UBAC1: variants seen among roughly 807,000 people sequenced by gnomAD.
UBAC1 encodes the protein ubiquitin-associated domain-containing protein 1.
A neutral mutation model predicts 45.9 loss-of-function variants in UBAC1; 27 were observed. That is an observed-to-expected ratio of 0.59 (90% CI 0.43 to 0.81). The LOEUF is 0.81. UBAC1 is among the 30% of genes least tolerant of loss of function. The pLI is 0.00. For synonymous variants in UBAC1, 227 were observed against 215.5 expected (o/e 1.05, Z -0.47); for missense variants, 529 against 539.2 (o/e 0.98, Z 0.19).
At chr9:135,946,200 G>T in intron 5 of UBAC1, 69 bp downstream of exon 5, 1 of 1,200,774 alleles carries the variant, frequency 8.3e-7, no homozygotes, top group Non-Finnish European at 1.2e-6. Context: ...GTCAGTGCGT[G>T]GAGCTGCAGA....
At chr9:135,943,623 T>C (rs769040602) in intron 7 of UBAC1, among the ~76,000 whole-genome samples, 3 of 152,182 alleles carry the variant, frequency 2.0e-5, no homozygotes, top group South Asian at 4.1e-4. Context: ...CCCAAAGGAA[T>C]AGAAATCATT....
intron 3 of UBAC1, 109 bp from the exon 4 acceptor site, chr9:135,948,014 G>A (rs1002410177): frequency 9.8e-7 from 1 of 1,024,298 alleles, no homozygotes; most frequent in South Asian, 1.6e-5. Flanking sequence ...TCTCCTTTAG[G>A]AGCCAGAGGT....
chr9:135,955,373 G>A lies in UBAC1; in HGVS notation c.181C>T (p.His61Tyr). 1 of 1,606,174 alleles carries A rather than the reference G, an allele frequency of 6.2e-7. No individual in the cohort carries two copies. Among genetic ancestry groups the A allele is most frequent in the Non-Finnish European group, 8.5e-7 (1 of 1,177,990 alleles). The change falls in exon 2 of 10, where the codon CAT becomes TAT. Residue 61 changes from histidine (H) to tyrosine (Y), a missense_variant. His to Tyr is a moderately conservative substitution (Grantham distance 83, BLOSUM62 2). Transcript: ENST00000371756. ...SLEDPKSITH[H>Y]KLIHAASERV... Reference sequence around the variant, plus strand: ...TCTGAGGCAGCGTGGATTAATTTATGATGGGTTATACTTTTGGGATCTTCT... The same window carrying A: ...TCTGAGGCAGCGTGGATTAATTTATAATGGGTTATACTTTTGGGATCTTCT...
At chr9:135,947,973 A>G in intron 3 of UBAC1, 68 bp from the exon 4 acceptor site, 1 of 1,429,186 alleles carries the variant, frequency 7.0e-7, no homozygotes, top group Admixed American at 2.0e-5. Context: ...TGACAACTGA[A>G]TCAGCGGAGC....
chr9:135,948,436 C>T (rs1239629766), intron 3 of UBAC1, among the ~76,000 whole-genome samples: 2 of 152,264 alleles, frequency 1.3e-5, no homozygotes, highest in African/African-American at 4.8e-5. Flanking sequence ...AGGCCAAGAG[C>T]AGAGCATGGA....
At chr9:135,938,181 C>T (rs751568350) in intron 9 of UBAC1, 41 bp downstream of exon 9, 1 of 1,602,550 alleles carries the variant, frequency 6.2e-7, no homozygotes, top group South Asian at 1.1e-5. Flanking sequence ...AACCAGCCAG[C>T]CTCCCCGACC....
At chr9:135,960,976 G>A in intron 1 of UBAC1, 49 bp downstream of exon 1, 1 of 1,438,336 alleles carries the variant, frequency 7.0e-7, no homozygotes, top group Non-Finnish European at 9.2e-7. Context: ...TCCGCAGTCG[G>A]AGGGGTCCGG....
chr9:135,960,903 G>A, intron 1 of UBAC1, 122 bp downstream of exon 1: 1 of 854,354 alleles, frequency 1.2e-6, no homozygotes, highest in Non-Finnish European at 1.7e-6. Context: ...GGAGGAGAGG[G>A]CCTGGGAGCT....
chr9:135,938,942 C>G (rs1308607098), intron 8 of UBAC1, among the ~76,000 whole-genome samples: 1 of 152,204 alleles, frequency 6.6e-6, no homozygotes, highest in African/African-American at 2.4e-5. Context: ...GGAGTGGTGG[C>G]TCATGCATGT....
intron 9 of UBAC1, among the ~76,000 whole-genome samples, chr9:135,937,875 G>C (rs1839218064): frequency 6.6e-6 from 1 of 152,238 alleles, no homozygotes; most frequent in Non-Finnish European, 1.5e-5. Flanking sequence ...AGTAGTAAGA[G>C]CAAAAGCCCA....
In UBAC1 at chr9:135,933,176, C is replaced by A; in HGVS notation, c.*224G>T. ...ATCACTCCACTTCCCAGTGCGACAACCACTTTTTTGTAAACACCTGTCAGA... is the reference window on the plus strand; with the variant it reads ...ATCACTCCACTTCCCAGTGCGACAAACACTTTTTTGTAAACACCTGTCAGA... On this transcript the variant is annotated 3_prime_UTR_variant, in exon 10 of 10. Transcript: ENST00000371756. 5.7e-6 allele frequency: 3 copies of A among 524,230 alleles called. No individual in the cohort carries two copies. The South Asian group carries it at 7.1e-5, about 12-fold the overall frequency. The allele number at this position is 524,230 out of a possible 1,614,324, so 32.5% of individuals were successfully genotyped here.
At chr9:135,937,516 T>C (rs549687565) in intron 9 of UBAC1, among the ~76,000 whole-genome samples, 2 of 150,710 alleles carry the variant, frequency 1.3e-5, no homozygotes, top group South Asian at 4.2e-4. Flanking sequence ...CCCAGTGCCT[T>C]CCATCAAGAA....
intron 1 of UBAC1, among the ~76,000 whole-genome samples, chr9:135,957,220 G>A (rs949811441): frequency 3.9e-5 from 6 of 152,120 alleles, no homozygotes. Flanking sequence ...AACTGGCCAG[G>A]CTGAGGGGAT....
intron 1 of UBAC1, among the ~76,000 whole-genome samples, chr9:135,955,662 C>T (rs189872602): frequency 6.6e-6 from 1 of 152,236 alleles, no homozygotes; most frequent in Non-Finnish European, 1.5e-5. Context: ...ATATACCACA[C>T]CCTACTGACA....
intron 7 of UBAC1, 45 bp downstream of exon 7, chr9:135,944,983 G>A (rs764230613): frequency 1.1e-4 from 177 of 1,567,784 alleles, no homozygotes; most frequent in Admixed American, 1.6e-4. Context: ...CACCTCAAGG[G>A]AAGACACAGC....
chr9:135,960,980 G>C, intron 1 of UBAC1, 45 bp downstream of exon 1: 1 of 1,457,020 alleles, frequency 6.9e-7, no homozygotes, highest in Non-Finnish European at 9.1e-7. Context: ...CAGTCGGAGG[G>C]GTCCGGAGCG....
intron 8 of UBAC1, among the ~76,000 whole-genome samples, chr9:135,939,456 C>A (rs1313756907): frequency 2.6e-5 from 4 of 151,100 alleles, no homozygotes; most frequent in Admixed American, 1.3e-4. Context: ...ACTCACTCAC[C>A]ACAGCCCACA....
In UBAC1 at chr9:135,948,143, G is replaced by C. The variant is rs1415377163; in HGVS notation, c.334-238C>G. On this transcript the variant is annotated intron_variant, in intron 3 of 9. Transcript: ENST00000371756. The stretch of plus-strand genomic sequence containing the variant: ...AGAGTGAAGCGGTAGGTGAGGGGCA[G>C]AGCAGGAGCAAGGGTCACAGAACGA... 1.7e-5 allele frequency: 8 copies of C among 458,960 alleles called. No individual in the cohort carries two copies. In the East Asian group the frequency reaches 3.0e-4, roughly 17 times the overall value. The allele number at this position is 458,960 out of a possible 1,614,324, so 28.4% of individuals were successfully genotyped here. A position where few individuals can be genotyped will look rare whatever the true frequency, so the allele number is the denominator to read the frequency against.
intron 7 of UBAC1, 70 bp from the exon 8 acceptor site, chr9:135,939,829 G>C: frequency 7.2e-7 from 1 of 1,392,716 alleles, no homozygotes; most frequent in Admixed American, 1.8e-5. Context: ...CCTGCGTGCA[G>C]AGGGGCCCGC....
Sources: gnomAD v4.1 joint callset for allele counts (sites outside exome capture counted in the v4.1 genomes callset) on GRCh38, gnomAD v4.1.1 for gene constraint, MANE v1.5 for transcripts, NCBI Gene and HGNC (gene_info 2026-07-23, HGNC 2026-07-21) for gene names.